The following TRMT44 variants were observed in gnomAD, a reference collection of about 807,000 sequenced individuals.
TRMT44 encodes tRNA methyltransferase 44 homolog.
In TRMT44, 78 loss-of-function variants were observed where a neutral mutation model predicts 77.3. The observed-to-expected ratio is 1.01, with a 90% CI of 0.84 to 1.22. The LOEUF (loss-of-function observed/expected upper bound fraction) is 1.22. TRMT44 is among the 50% of genes most tolerant of loss of function. TRMT44 has a pLI of 0.00. For missense variants in TRMT44, 1,090 were observed against 964.4 expected, an observed-to-expected ratio of 1.13 and a Z score of -1.73; for synonymous variants, 391 against 383.3, an observed-to-expected ratio of 1.02 and a Z score of -0.23.
At chr4:8,504,593 C>T in the TRMT44 span, among the ~76,000 whole-genome samples, 2 of 152,248 alleles carry the variant, frequency 1.3e-5, no homozygotes, top group South Asian at 2.1e-4. The surrounding 1 kb of genome is among the most constrained non-coding windows in gnomAD (Gnocchi z 5.3). Flanking sequence ...TGTGGACCTG[C>T]GCCAAGTCTG....
intron 10 of TRMT44, among the ~76,000 whole-genome samples, chr4:8,473,892 G>A (rs1227570416): frequency 2.0e-5 from 3 of 152,310 alleles, no homozygotes; most frequent in African/African-American, 7.2e-5. Context: ...CGGGGAGTGG[G>A]TCAGTGAGGC....
intron 2 of TRMT44, among the ~76,000 whole-genome samples, chr4:8,483,668 A>T (rs1199456083): frequency 2.0e-5 from 3 of 152,152 alleles, no homozygotes; most frequent in Non-Finnish European, 4.4e-5. Flanking sequence ...ACTGTAAGGG[A>T]TATAAAGGTT....
chr4:8,513,784 C>A, the TRMT44 span, among the ~76,000 whole-genome samples: 1 of 152,318 alleles, frequency 6.6e-6, no homozygotes, highest in Non-Finnish European at 1.5e-5. Context: ...GGAAAGGTGT[C>A]TCATCTTGAT....
intron 5 of TRMT44, 32 bp downstream of exon 5, chr4:8,453,021 A>G: frequency 7.3e-7 from 1 of 1,365,608 alleles, no homozygotes; most frequent in Non-Finnish European, 9.8e-7. Flanking sequence ...TTTTCTGGTA[A>G]CTTGTCCAGA....
In TRMT44 at chr4:8,491,784, G is replaced by A. The variant is rs529404357; in HGVS notation, n.3892-1482G>A. On this transcript the variant is annotated intron_variant and non_coding_transcript_variant, in intron 2 of 2. Coordinates refer to the TRMT44 transcript ENST00000511366. ...GCACGCAGCCCCGGTTCCCGCTCGC[G>A]CCTCTCCCTCCACACATCCCTGCAA... Among the ~76,000 whole-genome samples the A allele has an allele frequency of 5.9e-5, 9 of 152,312 alleles. No homozygotes were observed. The East Asian group carries it at 1.2e-3, about 20-fold the overall frequency.
chr4:8,470,178 CAG>C (rs1726886667), intron 9 of TRMT44, among the ~76,000 whole-genome samples: 1 of 152,214 alleles, frequency 6.6e-6, no homozygotes, highest in East Asian at 1.9e-4. Context: ...CCGCTCCTCT[CAG>C]AATGGATTTG....
downstream of TRMT44, chr4:8,478,500 C>T (rs1727501096): frequency 6.6e-6 from 1 of 152,592 alleles, no homozygotes; most frequent in African/African-American, 2.4e-5. Flanking sequence ...CCCAGCAGCA[C>T]TGTGCCCCTG....
chr4:8,475,697 A>AGCT, intron 10 of TRMT44, 75 bp from the exon 11 acceptor site: 1 of 1,414,040 alleles, frequency 7.1e-7, no homozygotes, highest in Non-Finnish European at 9.9e-7. Context: ...GTGGCGTGGG[A>AGCT]GCTAAAGAGA....
chr4:8,504,479 C>A, the TRMT44 span, among the ~76,000 whole-genome samples: 1 of 152,162 alleles, frequency 6.6e-6, no homozygotes, highest in Non-Finnish European at 1.5e-5. This position sits in a 1 kb window ranked among gnomAD's most constrained non-coding sequence, Gnocchi z 5.3. Flanking sequence ...TGTGTCCAGA[C>A]CTGGGCTCCA....
At chr4:8,515,795 G>A in the TRMT44 span, among the ~76,000 whole-genome samples, 5 of 152,232 alleles carry the variant, frequency 3.3e-5, no homozygotes, top group South Asian at 1.0e-3. Context: ...CCTCCCCAGT[G>A]CGGGGTGACA....
At chr4:8,464,193 C>T in intron 7 of TRMT44, 102 bp downstream of exon 7, 1 of 816,576 alleles carries the variant, frequency 1.2e-6, no homozygotes, top group Non-Finnish European at 2.0e-6. Flanking sequence ...AGTTGTCAAG[C>T]ACTTGAAATG....
intron 7 of TRMT44, 107 bp downstream of exon 7, chr4:8,464,198 G>T: frequency 1.3e-6 from 1 of 755,554 alleles, no homozygotes; most frequent in East Asian, 2.7e-5. Context: ...TCAAGCACTT[G>T]AAATGTGGGT....
the TRMT44 span, among the ~76,000 whole-genome samples, chr4:8,503,198 G>T: frequency 1.3e-5 from 2 of 152,208 alleles, no homozygotes; most frequent in Non-Finnish European, 2.9e-5. Flanking sequence ...TCCCCAGGCT[G>T]CAGGAGCCGC....
rs748917670 is a variant in TRMT44 at position 8,441,039 on chromosome 4, G to C, written c.217G>C (p.Gly73Arg). 3 of 1,493,050 alleles carry C rather than the reference G, an allele frequency of 2.0e-6. No homozygotes were observed. The South Asian group carries it at 3.9e-5, about 19-fold the overall frequency. 92.5% of individuals were successfully genotyped at this position (1,493,050 alleles called of 1,614,324 possible). The change falls in exon 1 of 11, where the codon GGA becomes CGA. Residue 73 changes from glycine (G) to arginine (R), a missense_variant. Coordinates refer to ENST00000389737, the MANE Select transcript of TRMT44 (RefSeq NM_152544.3). ...CTCGGAGCAGAAGGAGCGGGGTCCG[G>C]GACCCGGCCAGGGTTCCCCCGGAGG... ...AGSEQKERGPGPGQGSPGGGP... is the reference protein window; with the variant it reads ...AGSEQKERGPRPGQGSPGGGP...
chr4:8,506,368 T>C, the TRMT44 span, among the ~76,000 whole-genome samples: 4 of 152,350 alleles, frequency 2.6e-5, no homozygotes, highest in African/African-American at 9.6e-5. Context: ...GAAAACGGCA[T>C]GGACTGGAAT....
rs1332278212 is a variant in TRMT44 at position 8,451,204 on chromosome 4, T to TCCC, written c.955-755_955-753dup. 2.0e-5 allele frequency among the ~76,000 whole-genome samples: 3 copies of TCCC among 152,144 alleles called. No individual in the cohort carries two copies. The highest frequency in any genetic ancestry group is 7.2e-5 in the African/African-American group (3 of 41,440). ...GTTGGCTGACTGAGGCTGGGCTCCC[T>TCCC]CCCACATCCTGGCCTCGTGGTCCTT... On this transcript the variant is annotated intron_variant, in intron 3 of 10. Transcript: ENST00000389737. This position sits in a 1 kb window ranked among gnomAD's most constrained non-coding sequence, Gnocchi z 4.1.
At chr4:8,445,339 G>C (rs1314429622) in intron 1 of TRMT44, among the ~76,000 whole-genome samples, 1 of 152,196 alleles carries the variant, frequency 6.6e-6, no homozygotes, top group East Asian at 1.9e-4. Flanking sequence ...ATGATGCATT[G>C]TGTCAGTCCT....
chr4:8,476,247 G>A lies in TRMT44; in HGVS notation c.*246G>A. The A allele has an allele frequency of 1.8e-6, 1 of 565,814 alleles. No individual in the cohort carries two copies. The highest frequency in any genetic ancestry group is 3.2e-6 in the Non-Finnish European group (1 of 316,164). The allele number at this position is 565,814 out of a possible 1,614,324, so 35.0% of individuals were successfully genotyped here. A position where few individuals can be genotyped will look rare whatever the true frequency, so the allele number is the denominator to read the frequency against. On this transcript the variant is annotated 3_prime_UTR_variant, in exon 11 of 11. Transcript: ENST00000389737. ...GATGCAGCCGCTTGAAACGTGCGCA[G>A]CATCTTCATATCATAAAGATTGTGC... is the stretch of plus-strand genomic sequence containing the variant.
Position 8,464,078 on chromosome 4 carries a change from G to A in TRMT44, c.1297G>A (p.Val433Ile). 1.2e-6 allele frequency: 2 copies of A among 1,613,832 alleles called. No individual in the cohort carries two copies. Among genetic ancestry groups the A allele is most frequent in the Non-Finnish European group, 1.7e-6 (2 of 1,179,834 alleles). The change falls in exon 7 of 11, where the codon GTC becomes ATC. Residue 433 changes from valine to isoleucine, a missense_variant. Val to Ile is a conservative substitution (Grantham distance 29, BLOSUM62 3). Transcript: ENST00000389737. ...TGATGAACTCACACCATGGATACCT[G>A]TCATTGCAGCCAGGTGAGAAGTAGA... ...HSDELTPWIP[V>I]IAARSSYNCR...
Sources: gnomAD v4.1 joint callset for allele counts (sites outside exome capture counted in the v4.1 genomes callset) on GRCh38, gnomAD v4.1.1 for gene constraint, Gnocchi (gnomAD v3.1) non-coding constraint, MANE v1.5 for transcripts, NCBI Gene and HGNC (gene_info 2026-07-23, HGNC 2026-07-21) for gene names.